Variants in STXBP6 observed in about 807,000 individuals in gnomAD.
The protein encoded by STXBP6 is syntaxin binding protein 6, also known as syntaxin-binding protein 6.
In STXBP6, 21 loss-of-function variants were observed where a neutral mutation model predicts 26.9. The ratio of observed to expected loss-of-function variants is 0.78; its 90% CI spans 0.55 to 1.12. STXBP6 has a LOEUF of 1.12. STXBP6 is among the 50% of genes most tolerant of loss of function. The pLI is 0.00. For missense variants in STXBP6, 232 were observed against 257.9 expected (o/e 0.90, Z 0.69); for synonymous variants, 97 against 92.6 (o/e 1.05, Z -0.27).
intron 2 of STXBP6, among the ~76,000 whole-genome samples, chr14:24,940,873 A>T (rs982868589): frequency 6.6e-6 from 1 of 152,156 alleles, no homozygotes; most frequent in Non-Finnish European, 1.5e-5. Flanking sequence ...AAAAGTAGCC[A>T]GGTGTGGTGG....
chr14:24,956,070 C>T (rs779193888), intron 2 of STXBP6, among the ~76,000 whole-genome samples: 2 of 152,032 alleles, frequency 1.3e-5, no homozygotes, highest in Non-Finnish European at 2.9e-5. Context: ...TCCATACATA[C>T]CCAAAAGCAC....
intron 2 of STXBP6, among the ~76,000 whole-genome samples, chr14:24,946,994 G>C (rs939442077): frequency 6.6e-6 from 1 of 152,102 alleles, no homozygotes; most frequent in African/African-American, 2.4e-5. Flanking sequence ...AAGCTACATA[G>C]CATGAGTTAC....
At chr14:24,860,448 C>G (rs1301035903) in intron 2 of STXBP6, among the ~76,000 whole-genome samples, 3 of 152,116 alleles carry the variant, frequency 2.0e-5, no homozygotes, top group African/African-American at 7.2e-5. Context: ...AGAGGCAGAT[C>G]CTCTGTTTCA....
chr14:24,857,704 T>A (rs2069387722), intron 2 of STXBP6, among the ~76,000 whole-genome samples: 1 of 151,896 alleles, frequency 6.6e-6, no homozygotes, highest in Non-Finnish European at 1.5e-5. Flanking sequence ...TCTAATATTG[T>A]TCAGTTTGTA....
chr14:24,889,707 T>C (rs948788139), intron 2 of STXBP6, among the ~76,000 whole-genome samples: 2 of 151,962 alleles, frequency 1.3e-5, no homozygotes, highest in Non-Finnish European at 2.9e-5. Context: ...GAAAATCTCC[T>C]CCCAAAAATA....
In STXBP6 at chr14:24,876,590, T is replaced by C. The variant is rs540898067; in HGVS notation, c.155-19433A>G. ...GACATAGAAGCAGCAATGATGTACTTGTGTTTCTGCTTAAACTGTGGAAAC... is the reference window on the plus strand; with the variant it reads ...GACATAGAAGCAGCAATGATGTACTCGTGTTTCTGCTTAAACTGTGGAAAC... On this transcript the variant is annotated intron_variant, in intron 2 of 5. Coordinates refer to ENST00000323944, the MANE Select transcript of STXBP6 (RefSeq NM_001394410.1). Among the ~76,000 whole-genome samples the C allele has an allele frequency of 8.1e-4, 124 of 152,332 alleles. 3 individuals carry two copies. The South Asian group carries it at 0.021, about 26-fold the overall frequency.
At chr14:25,027,158 A>C (rs1364589171) in intron 1 of STXBP6, among the ~76,000 whole-genome samples, 3 of 152,226 alleles carry the variant, frequency 2.0e-5, no homozygotes, top group Non-Finnish European at 4.4e-5. Flanking sequence ...AGATACAAGC[A>C]TAGTTTGTTT....
intron 5 of STXBP6, among the ~76,000 whole-genome samples, chr14:24,814,403 T>A (rs1307010126): frequency 6.6e-6 from 1 of 152,252 alleles, no homozygotes; most frequent in African/African-American, 2.4e-5. Flanking sequence ...GTGTTGTGCA[T>A]AATAAATACT....
chr14:24,962,303 ATTTAT>A (rs2073571580), intron 2 of STXBP6, among the ~76,000 whole-genome samples: 1 of 115,114 alleles, frequency 8.7e-6, no homozygotes, highest in Non-Finnish European at 2.0e-5. Flanking sequence ...TTATTTATTT[ATTTAT>A]TTATTTATTT....
intron 1 of STXBP6, among the ~76,000 whole-genome samples, chr14:25,016,857 C>T (rs1462830879): frequency 2.0e-5 from 3 of 152,114 alleles, no homozygotes; most frequent in African/African-American, 7.2e-5. Flanking sequence ...GCTCTAATTA[C>T]ATGTGTATTT....
chr14:24,979,259 T>C (rs1011646743), intron 1 of STXBP6, among the ~76,000 whole-genome samples: 1 of 152,230 alleles, frequency 6.6e-6, no homozygotes, highest in Admixed American at 6.5e-5. Flanking sequence ...TTCTAGACTA[T>C]GTAACAATTA....
intron 2 of STXBP6, among the ~76,000 whole-genome samples, chr14:24,883,921 A>G (rs1226621296): frequency 1.3e-5 from 2 of 152,214 alleles, no homozygotes; most frequent in Non-Finnish European, 2.9e-5. Flanking sequence ...TTGGCAAACA[A>G]AAGAAAAAGC....
chr14:24,866,169 TACA>T (rs1342595729), intron 2 of STXBP6, among the ~76,000 whole-genome samples: 8 of 152,052 alleles, frequency 5.3e-5, no homozygotes, highest in African/African-American at 1.9e-4. Flanking sequence ...AAGATCTGAA[TACA>T]ACAACAGACT....
At chr14:24,878,992 T>C (rs2056615284) in intron 2 of STXBP6, among the ~76,000 whole-genome samples, 1 of 152,162 alleles carries the variant, frequency 6.6e-6, no homozygotes, top group South Asian at 2.1e-4. Context: ...ATGTTTAAAT[T>C]AGTGAATGCT....
intron 2 of STXBP6, among the ~76,000 whole-genome samples, chr14:24,973,473 C>T (rs2140194497): frequency 6.8e-6 from 1 of 147,266 alleles, no homozygotes; most frequent in Admixed American, 6.8e-5. Context: ...GCAACCTCTG[C>T]CTCCTGGGTT....
At chr14:24,914,249 G>A (rs556045281) in intron 2 of STXBP6, among the ~76,000 whole-genome samples, 1 of 151,784 alleles carries the variant, frequency 6.6e-6, no homozygotes, top group Non-Finnish European at 1.5e-5. Context: ...ACTGTCCTTG[G>A]CTCTTCCCTT....
intron 2 of STXBP6, among the ~76,000 whole-genome samples, chr14:24,943,988 C>A (rs200620020): frequency 1.3e-5 from 2 of 151,492 alleles, no homozygotes; most frequent in Admixed American, 6.6e-5. Flanking sequence ...TTTCCCTCCC[C>A]AAAAGTTTTA....
intron 2 of STXBP6, among the ~76,000 whole-genome samples, chr14:24,949,910 T>G (rs28444673): frequency 0.023 from 3,563 of 152,302 alleles, 133 homozygotes; most frequent in African/African-American, 0.08. Flanking sequence ...AATCTGGCTG[T>G]TCTGCACCTC....
At chr14:24,839,914 C>G (rs972520265) in intron 4 of STXBP6, among the ~76,000 whole-genome samples, 1 of 152,200 alleles carries the variant, frequency 6.6e-6, no homozygotes, top group East Asian at 1.9e-4. Flanking sequence ...ACAAAGAAGG[C>G]AAGTCAGTTC....
Sources: allele counts gnomAD v4.1 joint callset (sites outside exome capture counted in the v4.1 genomes callset), GRCh38; gene constraint gnomAD v4.1.1; transcripts MANE v1.5; gene names NCBI Gene and HGNC (gene_info 2026-07-23, HGNC 2026-07-21).